KIFBP: variants seen among roughly 807,000 people sequenced by gnomAD.
KIFBP encodes KIF-binding protein.
In KIFBP, 46 loss-of-function variants were observed where a neutral mutation model predicts 58.9. The ratio of observed to expected loss-of-function variants is 0.78; its 90% CI spans 0.62 to 1.00. The LOEUF (loss-of-function observed/expected upper bound fraction) is 1.00. Ranked by LOEUF, KIFBP falls within the 50% of genes least tolerant of loss-of-function variation. KIFBP has a pLI of 0.00. For missense variants in KIFBP, 651 were observed against 752.9 expected (o/e 0.86, Z 1.58); for synonymous variants, 241 against 283.4 (o/e 0.85, Z 1.50).
At position 69,015,915 on chromosome 10, in the gene KIFBP, G is replaced by T; in HGVS notation, c.1365G>T (p.Glu455Asp). 3 of 1,614,180 alleles carry T rather than the reference G, an allele frequency of 1.9e-6. No homozygotes were observed. Among genetic ancestry groups the T allele is most frequent in the Non-Finnish European group, 2.5e-6 (3 of 1,180,032 alleles). ...KMHKRRIAML[E>D]PLTVDLNPQY... ...ATAAACGCAGAATAGCCATGCTAGAGCCCCTAACTGTAGACCTGAATCCAC... is the reference window on the plus strand; with the variant it reads ...ATAAACGCAGAATAGCCATGCTAGATCCCCTAACTGTAGACCTGAATCCAC... Residue 455 changes from glutamate (E) to aspartate (D), a missense_variant, in exon 7 of 7, where the codon GAG becomes GAT. By Grantham distance (45) the Glu-to-Asp change is conservative (BLOSUM62 2). Coordinates refer to ENST00000361983, the MANE Select transcript of KIFBP (RefSeq NM_015634.4).
chr10:69,003,810 T>G (rs147998402), intron 2 of KIFBP, among the ~76,000 whole-genome samples: 54 of 152,334 alleles, frequency 3.5e-4, no homozygotes, highest in Non-Finnish European at 4.4e-5. Context: ...CATTTGATTT[T>G]TATTAGTGGT....
chr10:69,005,541 T>C (rs1311315791), intron 3 of KIFBP, among the ~76,000 whole-genome samples, 191 bp from the exon 4 acceptor site: 1 of 151,824 alleles, frequency 6.6e-6, no homozygotes, highest in African/African-American at 2.4e-5. Flanking sequence ...CCAGGCATGG[T>C]GGCAGGCGCC....
At chr10:69,001,333 T>C (rs1843462735) in intron 2 of KIFBP, among the ~76,000 whole-genome samples, 2 of 152,142 alleles carry the variant, frequency 1.3e-5, no homozygotes, top group South Asian at 2.1e-4. Context: ...GGTCACAGCC[T>C]GCAAAGGTGA....
chr10:69,005,356 A>C (rs929236645), intron 3 of KIFBP, among the ~76,000 whole-genome samples: 5 of 152,168 alleles, frequency 3.3e-5, no homozygotes, highest in Non-Finnish European at 7.4e-5. Context: ...GATAATCAAA[A>C]TAAATATATA....
In KIFBP at chr10:69,016,860, T is replaced by A. The variant is rs573814867; in HGVS notation, c.*444T>A. 7.3e-4 allele frequency: 113 copies of A among 155,446 alleles called. No homozygotes were observed. In the South Asian group the frequency reaches 0.016, roughly 23 times the overall value. The allele number at this position is 155,446 out of a possible 1,614,324, so 9.6% of individuals were successfully genotyped here. A position where few individuals can be genotyped will look rare whatever the true frequency, so the allele number is the denominator to read the frequency against. ...CTAAATTCCCCCCACCCAAAATCTT[T>A]CCCTTTTGAAAATACTAAAAACTAA... On this transcript the variant is annotated 3_prime_UTR_variant, in exon 7 of 7. Coordinates refer to ENST00000361983, the MANE Select transcript of KIFBP (RefSeq NM_015634.4).
chr10:69,016,456 G>T lies in KIFBP; in HGVS notation c.*40G>T. On this transcript the variant is annotated 3_prime_UTR_variant, in exon 7 of 7. Transcript: ENST00000361983. Reference sequence around the variant, plus strand: ...GAAAGGAAATGTGCAATATTGAAGTGATCTTTTTCCCTAGTCAGACAGGCC... The same window carrying T: ...GAAAGGAAATGTGCAATATTGAAGTTATCTTTTTCCCTAGTCAGACAGGCC... 6.2e-7 allele frequency: 1 copy of T among 1,605,956 alleles called. No individual in the cohort carries two copies. Among genetic ancestry groups the T allele is most frequent in the Non-Finnish European group, 8.5e-7 (1 of 1,174,118 alleles).
At chr10:69,007,766 A>G (rs1361363761) in intron 4 of KIFBP, 1 of 152,194 alleles carries the variant, frequency 6.6e-6, no homozygotes, top group Non-Finnish European at 1.5e-5. Context: ...TACTAATATT[A>G]AGTAGACATT....
intron 6 of KIFBP, 142 bp from the exon 7 acceptor site, chr10:69,015,398 TG>T (rs1440409155): frequency 6.4e-5 from 44 of 685,132 alleles, no homozygotes; most frequent in Non-Finnish European, 9.2e-5. Flanking sequence ...TTTTCAAAGG[TG>T]TTTAAGATTA....
At chr10:68,989,346 T>C in intron 1 of KIFBP, 88 bp downstream of exon 1, 1 of 1,425,050 alleles carries the variant, frequency 7.0e-7, no homozygotes, top group Non-Finnish European at 9.7e-7. Flanking sequence ...GCAGACGTTG[T>C]AAGGCGCAAT....
At position 69,005,882 on chromosome 10, in the gene KIFBP, T is replaced by G. The variant is rs937189116; in HGVS notation, c.756T>G (p.Asn252Lys). ...ACCATCCTATAGAGTGGGCTATCAA[T>G]GCTGCTACCTTGTCACAGTTTTACA... is the stretch of plus-strand genomic sequence containing the variant. ...NAYHPIEWAI[N>K]AATLSQFYIN... The change falls in exon 4 of 7, where the codon AAT (asparagine) becomes AAG (lysine). Residue 252 changes from asparagine (N) to lysine (K), a missense_variant. Transcript: ENST00000361983. The G allele has an allele frequency of 5.6e-6, 9 of 1,614,152 alleles. No individual in the cohort carries two copies. Among genetic ancestry groups the G allele is most frequent in the Non-Finnish European group, 7.6e-6 (9 of 1,180,026 alleles).
At chr10:69,000,395 G>T in intron 1 of KIFBP, 29 bp from the exon 2 acceptor site, 2 of 1,431,396 alleles carry the variant, frequency 1.4e-6, no homozygotes, top group Non-Finnish European at 2.0e-6. Flanking sequence ...TTATATCATT[G>T]TTTGTTTCTC....
Position 69,016,224 on chromosome 10 carries a change from T to G in KIFBP, c.1674T>G (p.Ile558Met). 6.2e-7 allele frequency: 1 copy of G among 1,610,766 alleles called. No individual in the cohort carries two copies. ...FRVARLYGKI[I>M]TADPKKELEN... ...TTGCCCGTCTCTATGGCAAAATCAT[T>G]ACTGCAGATCCCAAGAAAGAGCTGG... The change falls in exon 7 of 7, where the codon ATT becomes ATG. Residue 558 changes from isoleucine to methionine, a missense_variant. Transcript: ENST00000361983.
chr10:69,008,093 T>C (rs1176277592), intron 4 of KIFBP, among the ~76,000 whole-genome samples: 3 of 151,986 alleles, frequency 2.0e-5, no homozygotes, highest in Non-Finnish European at 2.9e-5. Context: ...TGCCTTTGTA[T>C]AGTAGGATGT....
In KIFBP at chr10:69,016,087, G is replaced by T. The variant is rs1300021171; in HGVS notation, c.1537G>T (p.Ala513Ser). Reference sequence around the variant, plus strand: ...AAAAATAAATAATCTTAATAAGTCAGCACTGAAGTACTACCAGCTCTTCTT... The same window carrying T: ...AAAAATAAATAATCTTAATAAGTCATCACTGAAGTACTACCAGCTCTTCTT... ...VKKINNLNKS[A>S]LKYYQLFLDS... The change falls in exon 7 of 7, where the codon GCA becomes TCA. Residue 513 changes from alanine to serine, a missense_variant. Coordinates refer to ENST00000361983, the MANE Select transcript of KIFBP (RefSeq NM_015634.4). The T allele has an allele frequency of 1.2e-6, 2 of 1,613,906 alleles. No individual in the cohort carries two copies. The highest frequency in any genetic ancestry group is 2.7e-5 in the African/African-American group (2 of 74,910).
rs781721076 is a variant in KIFBP, at chr10:68,988,991, G to A, written c.159G>A (p.Ala53=). Residue 53 remains alanine, a synonymous_variant, in exon 1 of 7, where the codon GCG becomes GCA. Transcript: ENST00000361983. The part of the protein sequence containing the change: ...LEEVKALLGP[A]PEDEDERPEA... Reference sequence around the variant, plus strand: ...AGGTCAAGGCGCTGCTCGGCCCTGCGCCTGAGGACGAGGATGAGCGGCCTG... The same window carrying A: ...AGGTCAAGGCGCTGCTCGGCCCTGCACCTGAGGACGAGGATGAGCGGCCTG... 1 of 1,614,216 alleles carries A rather than the reference G, an allele frequency of 6.2e-7. No homozygotes were observed. The highest frequency in any genetic ancestry group is 2.2e-5 in the East Asian group (1 of 44,874).
chr10:69,013,844 G>C (rs997364990), intron 6 of KIFBP, among the ~76,000 whole-genome samples: 6 of 152,110 alleles, frequency 3.9e-5, no homozygotes, highest in African/African-American at 1.4e-4. Context: ...CCACCTCCCT[G>C]GCTCAAGCAG....
chr10:69,002,769 T>C (rs767598013), intron 2 of KIFBP, among the ~76,000 whole-genome samples: 1 of 151,774 alleles, frequency 6.6e-6, no homozygotes, highest in African/African-American at 2.4e-5. Flanking sequence ...GTGCTTGTGG[T>C]CCCAGCTACT....
chr10:69,008,391 A>AAAAAAAAAAAAATATAT, intron 4 of KIFBP, among the ~76,000 whole-genome samples: 13 of 71,592 alleles, frequency 1.8e-4, no homozygotes, highest in South Asian at 1.2e-3. Context: ...AAAAAAAAAA[A>AAAAAAAAAAAAATATAT]ATATATATAT....
chr10:69,004,700 C>G (rs964961886), intron 2 of KIFBP, among the ~76,000 whole-genome samples: 2 of 151,902 alleles, frequency 1.3e-5, no homozygotes, highest in African/African-American at 4.8e-5. Context: ...CCTGTCTCTA[C>G]AAAAAATATA....
Sources: allele counts gnomAD v4.1 joint callset (sites outside exome capture counted in the v4.1 genomes callset), GRCh38; gene constraint gnomAD v4.1.1; transcripts MANE v1.5; gene names NCBI Gene and HGNC (gene_info 2026-07-23, HGNC 2026-07-21).